The following NSD3 variants were observed in gnomAD, a reference collection of about 807,000 sequenced individuals.
The protein encoded by NSD3 is histone-lysine N-methyltransferase NSD3.
NSD3 carries 24 observed loss-of-function variants against 160.8 expected under a neutral mutation model. The ratio of observed to expected loss-of-function variants is 0.15; its 90% confidence interval spans 0.11 to 0.21. NSD3 has a LOEUF of 0.21. Ranked by LOEUF, NSD3 falls within the 10% of genes least tolerant of loss-of-function variation. The probability of loss-of-function intolerance (pLI) is 1.00; values close to 1 mark genes in which losing one functional copy is unlikely to be tolerated. For synonymous variants in NSD3, 520 were observed against 600.0 expected (o/e 0.87, Z 1.95); for missense variants, 1,157 against 1,735.9 (o/e 0.67, Z 5.93).
chr8:38,309,168 A>C (rs1464062230), intron 12 of NSD3, among the ~76,000 whole-genome samples: 1 of 151,628 alleles, frequency 6.6e-6, no homozygotes, highest in Non-Finnish European at 1.5e-5. Flanking sequence ...ACAAAACAAA[A>C]CCAAAAAACT....
At chr8:38,285,982 C>G (rs776820165) in intron 19 of NSD3, among the ~76,000 whole-genome samples, 1 of 152,164 alleles carries the variant, frequency 6.6e-6, no homozygotes, top group African/African-American at 2.4e-5. Flanking sequence ...GTTATCCTTT[C>G]GAAACCCAAG....
chr8:38,315,009 A>G (rs1809624443), intron 11 of NSD3, among the ~76,000 whole-genome samples: 1 of 152,252 alleles, frequency 6.6e-6, no homozygotes, highest in South Asian at 2.1e-4. Context: ...TTCCAGATAC[A>G]ATATGGTATA....
intron 2 of NSD3, among the ~76,000 whole-genome samples, chr8:38,342,663 G>T (rs1258257587): frequency 6.6e-6 from 1 of 151,024 alleles, no homozygotes; most frequent in African/African-American, 2.4e-5. Flanking sequence ...TGCCTCCCAG[G>T]TTCAAGCGAT....
chr8:38,368,489 C>T (rs955030626), intron 1 of NSD3, among the ~76,000 whole-genome samples: 2 of 152,084 alleles, frequency 1.3e-5, no homozygotes, highest in Non-Finnish European at 2.9e-5. Context: ...ACAACAACAA[C>T]AAAAAAGTGT....
intron 16 of NSD3, 118 bp downstream of exon 16, chr8:38,295,678 T>TA (rs1239982193): frequency 1.1e-6 from 1 of 932,204 alleles, no homozygotes; most frequent in East Asian, 2.8e-5. Context: ...CTTTTTTTTT[T>TA]TTAAGGAAGT....
chr8:38,374,262 A>G (rs1350581061), intron 1 of NSD3, among the ~76,000 whole-genome samples: 1 of 152,170 alleles, frequency 6.6e-6, no homozygotes, highest in Non-Finnish European at 1.5e-5. Flanking sequence ...TGGGCAAGAG[A>G]GCAAGACCCT....
Position 38,362,270 on chromosome 8 carries a change from G to A in NSD3, c.-44-14055C>T, listed in dbSNP as rs1349531033. Among the ~76,000 whole-genome samples the A allele has an allele frequency of 5.8e-4, 24 of 41,478 alleles. 1 individual carries two copies. Among genetic ancestry groups the A allele is most frequent in the Non-Finnish European group, 1.1e-3 (19 of 16,598 alleles). The allele number at this position is 41,478 out of a possible 152,430, so 27.2% of individuals were successfully genotyped here. ...TTACAGTAAGGCGGGGGGGGGGGGGGGGGCACAAGATTGGATTAACAATTT... is the reference window on the plus strand; with the variant it reads ...TTACAGTAAGGCGGGGGGGGGGGGGAGGGCACAAGATTGGATTAACAATTT... On this transcript the variant is annotated intron_variant, in intron 1 of 23. Transcript: ENST00000317025.
At chr8:38,290,437 T>A (rs370778107) in intron 17 of NSD3, 38 bp downstream of exon 17, 16 of 1,602,496 alleles carry the variant, frequency 1.0e-5, no homozygotes, top group Non-Finnish European at 1.4e-5. Flanking sequence ...GACACCGGAG[T>A]TGTAGTTTTG....
chr8:38,286,021 C>T (rs113092086), intron 19 of NSD3, among the ~76,000 whole-genome samples: 1,712 of 152,264 alleles, frequency 0.011, 15 homozygotes, highest in Non-Finnish European at 0.018. Context: ...AAGGTGGCCC[C>T]GGTGATGCCT....
intron 1 of NSD3, among the ~76,000 whole-genome samples, chr8:38,351,883 A>G (rs1438828170): frequency 2.8e-5 from 4 of 143,248 alleles, no homozygotes; most frequent in Non-Finnish European, 4.6e-5. Flanking sequence ...GGGTGGGGGG[A>G]GTGGGGAGGG....
rs531494169 is a variant in NSD3 at position 38,348,297 on chromosome 8, A to C, written c.-44-82T>G. On this transcript the variant is annotated intron_variant, in intron 1 of 23. Coordinates refer to ENST00000317025, the MANE Select transcript of NSD3 (RefSeq NM_023034.2). Reference sequence around the variant, plus strand: ...AATCAACTGAAAAAGGATTAAACTAAAATGTTTTGAACTCAATTTTCATAT... The same window carrying C: ...AATCAACTGAAAAAGGATTAAACTACAATGTTTTGAACTCAATTTTCATAT... The C allele has an allele frequency of 1.5e-5, 17 of 1,098,956 alleles. No homozygotes were observed. In the East Asian group the frequency reaches 4.1e-4, roughly 26 times the overall value. The allele number at this position is 1,098,956 out of a possible 1,614,324, so 68.1% of individuals were successfully genotyped here.
intron 1 of NSD3, among the ~76,000 whole-genome samples, chr8:38,379,165 A>G (rs548336477): frequency 2.6e-5 from 4 of 152,262 alleles, no homozygotes; most frequent in South Asian, 4.1e-4. Context: ...TTAATTGGTT[A>G]TAAGTGTTAT....
Position 38,273,350 on chromosome 8 carries a change from T to A in NSD3, c.*2291A>T, listed in dbSNP as rs1808531030. The A allele has an allele frequency of 6.6e-6, 1 of 152,080 alleles. No individual in the cohort carries two copies. The highest frequency in any genetic ancestry group is 1.5e-5 in the Non-Finnish European group (1 of 68,032). The allele number at this position is 152,080 out of a possible 1,614,324, so 9.4% of individuals were successfully genotyped here. Reference sequence around the variant, plus strand: ...AATGGTGAAACAATCCTATTAATCATAATTTTTTTTTAATTTCAGCAGAGC... The same window carrying A: ...AATGGTGAAACAATCCTATTAATCAAAATTTTTTTTTAATTTCAGCAGAGC... On this transcript the variant is annotated 3_prime_UTR_variant, in exon 24 of 24. Transcript: ENST00000317025.
At chr8:38,328,064 A>C (rs755121080) in intron 6 of NSD3, among the ~76,000 whole-genome samples, 6 of 152,118 alleles carry the variant, frequency 3.9e-5, no homozygotes, top group Non-Finnish European at 8.8e-5. Flanking sequence ...GGTCTGGCAC[A>C]GTGGCTCATG....
intron 2 of NSD3, among the ~76,000 whole-genome samples, chr8:38,343,489 G>A (rs1432823605): frequency 6.6e-6 from 1 of 152,028 alleles, no homozygotes; most frequent in African/African-American, 2.4e-5. Flanking sequence ...ATCACCCTAA[G>A]GTCAGGGGTT....
chr8:38,368,714 G>A (rs1412564541), intron 1 of NSD3, among the ~76,000 whole-genome samples: 1 of 151,994 alleles, frequency 6.6e-6, no homozygotes, highest in Non-Finnish European at 1.5e-5. Flanking sequence ...AACTGTCTTC[G>A]CTTTGTTGCT....
In NSD3 at chr8:38,313,430, A is replaced by G. The variant is rs2956729; in HGVS notation, c.2242+1217T>C. ...TCCTGTTTCTCCTTCTGCATAATGG[A>G]AATCATAATAGTACCTATCTCATCA... On this transcript the variant is annotated intron_variant, in intron 12 of 23. Transcript: ENST00000317025. Among the ~76,000 whole-genome samples, 1,467 of 152,222 alleles carry G rather than the reference A, an allele frequency of 9.6e-3. 11 individuals are homozygous for G. The highest frequency in any genetic ancestry group is 0.015 in the Non-Finnish European group (990 of 68,002).
In NSD3 at chr8:38,319,119, T is replaced by G; in HGVS notation, c.1810-179A>C. 1 of 590,576 alleles carries G rather than the reference T, an allele frequency of 1.7e-6. No homozygotes were observed. Among genetic ancestry groups the G allele is most frequent in the Non-Finnish European group, 3.0e-6 (1 of 334,082 alleles). 36.6% of individuals were successfully genotyped at this position (590,576 alleles called of 1,614,324 possible). On this transcript the variant is annotated intron_variant, in intron 8 of 23. Transcript: ENST00000317025. The surrounding 1 kb of genome is among the most constrained non-coding windows in gnomAD (Gnocchi z 4.1). ...GTCTCAAGATCAGGGAGGGTTTAAA[T>G]CCTAGCTGCCTGTGCTGAATATCAA...
chr8:38,317,869 A>C lies in NSD3; in HGVS notation c.1855+1026T>G. On this transcript the variant is annotated intron_variant, in intron 9 of 23. Transcript: ENST00000317025. The surrounding 1 kb of genome is among the most constrained non-coding windows in gnomAD (Gnocchi z 5.3). The stretch of plus-strand genomic sequence containing the variant: ...ATTGGCGAAATCAAAATCGAAAACA[A>C]AGAAACTGTTTATCAAGCCGCCGAC... 6.3e-7 allele frequency: 1 copy of C among 1,584,816 alleles called. No homozygotes were observed. The highest frequency in any genetic ancestry group is 8.6e-7 in the Non-Finnish European group (1 of 1,165,874).
Sources: allele counts gnomAD v4.1 joint callset (sites outside exome capture counted in the v4.1 genomes callset), GRCh38; gene constraint gnomAD v4.1.1; non-coding constraint Gnocchi (gnomAD v3.1); transcripts MANE v1.5; gene names NCBI Gene and HGNC (gene_info 2026-07-23, HGNC 2026-07-21).